Variants in MUC20 observed in about 807,000 individuals in gnomAD.
The protein encoded by MUC20 is mucin 20, cell surface associated, also known as mucin-20.
Under a neutral mutation model 23.8 loss-of-function variants are expected in MUC20, and 14 were observed. The ratio of observed to expected loss-of-function variants is 0.59; its 90% CI spans 0.39 to 0.92. The LOEUF (loss-of-function observed/expected upper bound fraction) is 0.92. Ranked by LOEUF, MUC20 falls within the 40% of genes least tolerant of loss-of-function variation. The pLI, the probability that MUC20 is intolerant of heterozygous loss-of-function variation, is 0.00. For missense variants in MUC20, 375 were observed against 668.8 expected (o/e 0.56, Z 4.85); for synonymous variants, 166 against 279.3 (o/e 0.59, Z 4.04).
chr3:195,729,841 G>A (rs1282517889), intron 3 of MUC20, 102 bp downstream of exon 3: 3 of 1,112,138 alleles, frequency 2.7e-6, no homozygotes, highest in East Asian at 2.6e-5. Context: ...TACCGCGCTT[G>A]GAAGGGAGTC....
In MUC20 at chr3:195,725,648, G is replaced by A. The variant is rs1490419252; in HGVS notation, c.1045G>A (p.Ala349Thr). 7.4e-5 allele frequency: 10 copies of A among 135,452 alleles called. 2 individuals are homozygous for A. Among genetic ancestry groups the A allele is most frequent in the Admixed American group, 1.1e-4 (1 of 9,230 alleles). 8.4% of individuals were successfully genotyped at this position (135,452 alleles called of 1,614,324 possible). Reference protein sequence around the residue: ...ITPSRASESSASSDGLHPVIT... With the variant: ...ITPSRASESSTSSDGLHPVIT... ...CCCGTCACGGGCCTCAGAGAGCAGC[G>A]CCTCTTCCGACGGCCTCCATCCAGT... is the stretch of plus-strand genomic sequence containing the variant. The change falls in exon 2 of 4, where the codon GCC (alanine) becomes ACC (threonine). Residue 349 changes from alanine to threonine, a missense_variant. Physicochemically the swap from Ala to Thr is moderately conservative, Grantham distance 58. This residue lies in a region of MUC20 where 8 missense variants were observed against 232.8 expected (regional missense o/e 0.03). Coordinates refer to ENST00000447234, the MANE Select transcript of MUC20 (RefSeq NM_001282506.2).
chr3:195,732,441 C>A (rs1056005450), intron 3 of MUC20, among the ~76,000 whole-genome samples: 1 of 152,146 alleles, frequency 6.6e-6, no homozygotes, highest in Non-Finnish European at 1.5e-5. Context: ...CTCACTGCAA[C>A]CTCCACCTCC....
At chr3:195,730,471 A>G (rs1018034028) in intron 3 of MUC20, among the ~76,000 whole-genome samples, 1 of 151,650 alleles carries the variant, frequency 6.6e-6, no homozygotes, top group Non-Finnish European at 1.5e-5. Flanking sequence ...TCAGCCTCCC[A>G]AGTAGCTGGG....
Position 195,725,913 on chromosome 3 carries a change from C to G in MUC20, c.1310C>G (p.Pro437Arg). ...TEIETTTSSI[P>R]GASDTDLIPT... ...ATAGAAACAACGACTTCCAGCATCC[C>G]TGGGGCCTCAGACACAGATCTCATC... Residue 437 changes from proline to arginine, a missense_variant, in exon 2 of 4, where the codon CCT becomes CGT. Coordinates refer to ENST00000447234, the MANE Select transcript of MUC20 (RefSeq NM_001282506.2). 1 of 1,612,894 alleles carries G rather than the reference C, an allele frequency of 6.2e-7. No homozygotes were observed. Among genetic ancestry groups the G allele is most frequent in the South Asian group, 1.1e-5 (1 of 90,934 alleles).
intron 2 of MUC20, 74 bp downstream of exon 2, chr3:195,726,646 T>C (rs1712717080): frequency 1.3e-6 from 2 of 1,497,336 alleles, no homozygotes; most frequent in Non-Finnish European, 1.8e-6. Flanking sequence ...ACTTGAGGAG[T>C]GGAGAGGAGG....
chr3:195,731,080 A>G (rs1328736180), intron 3 of MUC20, among the ~76,000 whole-genome samples: 2 of 152,254 alleles, frequency 1.3e-5, no homozygotes, highest in African/African-American at 4.8e-5. Context: ...AACCGTGAAA[A>G]CAGGCCCAGT....
In MUC20 at chr3:195,726,138, C is replaced by G. The variant is rs1399003420; in HGVS notation, c.1535C>G (p.Ala512Gly). The G allele has an allele frequency of 6.2e-7, 1 of 1,608,324 alleles. No individual in the cohort carries two copies. Among genetic ancestry groups the G allele is most frequent in the African/African-American group, 1.3e-5 (1 of 74,888 alleles). The stretch of plus-strand genomic sequence containing the variant: ...AGCGCCACAGAAAGAGAAGTGACAG[C>G]ACCCGGGGCCACGACCCTCAGTGGA... Reference protein sequence around the residue: ...TNSATEREVTAPGATTLSGAL... With the variant: ...TNSATEREVTGPGATTLSGAL... Residue 512 changes from alanine (A) to glycine (G), a missense_variant, in exon 2 of 4, where the codon GCA (alanine) becomes GGA (glycine). Physicochemically the swap from Ala to Gly is moderately conservative, Grantham distance 60. Around this residue, in one of 4 missense-constraint regions of MUC20, gnomAD observed 343 missense variants for 340.2 expected, o/e 1.01. Transcript: ENST00000447234.
chr3:195,726,058 C>A lies in MUC20; in HGVS notation c.1455C>A (p.Gly485=), dbSNP rs565508901. Residue 485 remains glycine, a synonymous_variant, in exon 2 of 4, where the codon GGC becomes GGA. Coordinates refer to ENST00000447234, the MANE Select transcript of MUC20 (RefSeq NM_001282506.2). ...CTGCCGAGACCCTGTCCACAGCCGGCACCACAGAGTCAGCTGCACCTGATG... is the reference window on the plus strand; with the variant it reads ...CTGCCGAGACCCTGTCCACAGCCGGAACCACAGAGTCAGCTGCACCTGATG... ...TASAETLSTA[G]TTESAAPDAT... The A allele has an allele frequency of 3.7e-6, 6 of 1,613,882 alleles. No individual in the cohort carries two copies. In the Admixed American group the frequency reaches 1.0e-4, roughly 27 times the overall value.
At chr3:195,731,388 C>T (rs1577865185) in intron 3 of MUC20, among the ~76,000 whole-genome samples, 2 of 152,234 alleles carry the variant, frequency 1.3e-5, no homozygotes, top group Admixed American at 6.5e-5. Context: ...AAGATATGTC[C>T]GTGGAGAGTG....
Position 195,721,013 on chromosome 3 carries a change from C to A in MUC20, c.6C>A (p.Gly2=). ...AGCAGCGGTGGCCGGCTAGGATGGG[C>A]TGTCTCTGGGGTCTGGCTCTGCCCC... The part of the protein sequence containing the change: M[G]CLWGLALPLF... Residue 2 remains glycine, a synonymous_variant, in exon 1 of 4, where the codon GGC becomes GGA. Transcript: ENST00000447234. 1 of 1,581,416 alleles carries A rather than the reference C, an allele frequency of 6.3e-7. No individual in the cohort carries two copies. Among genetic ancestry groups the A allele is most frequent in the Non-Finnish European group, 8.6e-7 (1 of 1,162,968 alleles).
chr3:195,729,745 T>TG lies in MUC20; in HGVS notation c.2061+9dup, dbSNP rs1213273331. Reference sequence around the variant, plus strand: ...CAGAAAGGCTGATGCAGCAGGTGAGTGGGCACTTTCCGGGCCAGGGGAGTA... The same window carrying TG: ...CAGAAAGGCTGATGCAGCAGGTGAGTGGGGCACTTTCCGGGCCAGGGGAGTA... On this transcript the variant is annotated splice_region_variant and intron_variant, in intron 3 of 3. Transcript: ENST00000447234. The TG allele has an allele frequency of 6.3e-7, 1 of 1,589,920 alleles. No individual in the cohort carries two copies. Among genetic ancestry groups the TG allele is most frequent in the Admixed American group, 1.8e-5 (1 of 57,098 alleles).
chr3:195,727,968 G>A (rs1447852088), intron 2 of MUC20, among the ~76,000 whole-genome samples: 3 of 148,080 alleles, frequency 2.0e-5, no homozygotes. Context: ...CATATGTTAT[G>A]ATGCCAGGCA....
At chr3:195,732,829 G>A (rs2550292) in intron 3 of MUC20, among the ~76,000 whole-genome samples, 64,603 of 150,204 alleles carry the variant, frequency 0.43, 8,818 homozygotes, top group East Asian at 0.73. Context: ...GTTTGGGCTC[G>A]GGGATTAGAC....
chr3:195,729,698 G>A lies in MUC20; in HGVS notation c.2020G>A (p.Asp674Asn). 2 of 1,597,378 alleles carry A rather than the reference G, an allele frequency of 1.3e-6. No homozygotes were observed. The highest frequency in any genetic ancestry group is 1.7e-6 in the Non-Finnish European group (2 of 1,171,452). ...GCGGCTGAGTGTGGCTTCCCCGGAAGACCTCACTGACCCCAGAGTGGCAGA... is the reference window on the plus strand; with the variant it reads ...GCGGCTGAGTGTGGCTTCCCCGGAAAACCTCACTGACCCCAGAGTGGCAGA... ...LLRLSVASPE[D>N]LTDPRVAERL... Residue 674 changes from aspartate (D) to asparagine (N), a missense_variant, in exon 3 of 4, where the codon GAC becomes AAC. Asp to Asn is a conservative substitution (Grantham distance 23). Transcript: ENST00000447234.
intron 3 of MUC20, among the ~76,000 whole-genome samples, chr3:195,732,334 TTCTTTTTCTTTC>T (rs113233054): frequency 0.39 from 57,123 of 146,754 alleles, 7,542 homozygotes; most frequent in East Asian, 0.72. Flanking sequence ...CTTTTTCTTT[TTCTTTTTCTTTC>T]TCTTTTTCTT....
Position 195,733,202 on chromosome 3 carries a change from G to T in MUC20, c.2114G>T (p.Arg705Leu). 1 of 1,593,652 alleles carries T rather than the reference G, an allele frequency of 6.3e-7. No homozygotes were observed. Among genetic ancestry groups the T allele is most frequent in the Non-Finnish European group, 8.5e-7 (1 of 1,171,052 alleles). Residue 705 changes from arginine to leucine, a missense_variant, in exon 4 of 4, where the codon CGT (arginine) becomes CTT (leucine). Arg to Leu is a moderately radical substitution (Grantham distance 102). Around this residue, in one of 4 missense-constraint regions of MUC20, gnomAD observed 343 missense variants for 340.2 expected, o/e 1.01. Transcript: ENST00000447234. ...CCTCACTTCCAGGTCTCCTTACTGC[G>T]TGTCAGGAGAGGCTAACGGACATCA... ...HAPHFQVSLL[R>L]VRRG
chr3:195,730,491 G>A (rs956519243), intron 3 of MUC20, among the ~76,000 whole-genome samples: 10 of 151,224 alleles, frequency 6.6e-5, no homozygotes, highest in African/African-American at 1.7e-4. Context: ...GACTACAGGC[G>A]CCCGCCACCA....
At chr3:195,730,776 T>C (rs1159338284) in intron 3 of MUC20, among the ~76,000 whole-genome samples, 1 of 152,168 alleles carries the variant, frequency 6.6e-6, no homozygotes, top group Non-Finnish European at 1.5e-5. Context: ...ATAGGGAGGC[T>C]AGGCAGAAAA....
intron 1 of MUC20, among the ~76,000 whole-genome samples, chr3:195,721,363 C>T (rs1418259014): frequency 3.3e-5 from 5 of 152,032 alleles, no homozygotes; most frequent in Admixed American, 6.5e-5. Flanking sequence ...TCAACCATGA[C>T]GCTGCCATCG....
Sources: gnomAD v4.1 joint callset for allele counts (sites outside exome capture counted in the v4.1 genomes callset) on GRCh38, gnomAD v4.1.1 for gene constraint, gnomAD v4.1.1 regional missense constraint, MANE v1.5 for transcripts, NCBI Gene and HGNC (gene_info 2026-07-23, HGNC 2026-07-21) for gene names.